Variants in MYO5C observed in about 807,000 individuals in gnomAD.
The protein encoded by MYO5C is myosin VC.
In MYO5C, 194 loss-of-function variants were observed where a neutral mutation model predicts 235.7. The ratio of observed to expected loss-of-function variants is 0.82; its 90% CI spans 0.73 to 0.93. The LOEUF (loss-of-function observed/expected upper bound fraction) is 0.93. MYO5C is among the 40% of genes least tolerant of loss of function. MYO5C has a pLI of 0.00. For synonymous variants in MYO5C, 707 were observed against 754.8 expected (o/e 0.94, Z 1.04); for missense variants, 2,038 against 2,127.2 (o/e 0.96, Z 0.82).
chr15:52,209,659 A>G (rs11070885), intron 35 of MYO5C, among the ~76,000 whole-genome samples: 112,171 of 152,112 alleles, frequency 0.74, 44,499 homozygotes, highest in Non-Finnish European at 0.9. Flanking sequence ...ATCAAGGGGA[A>G]GCAAATACTG....
rs1486669642 is a variant in MYO5C, at chr15:52,278,726, T to C, written c.449+147A>G. 4.4e-6 allele frequency: 4 copies of C among 907,870 alleles called. No individual in the cohort carries two copies. The East Asian group carries it at 1.0e-4, about 23-fold the overall frequency. The allele number at this position is 907,870 out of a possible 1,614,324, so 56.2% of individuals were successfully genotyped here. On this transcript the variant is annotated intron_variant, in intron 4 of 40. Coordinates refer to ENST00000261839, the MANE Select transcript of MYO5C (RefSeq NM_018728.4). ...ACATGGAACAGTCGTTTGCTATTCA[T>C]TCCAGGTAGTCGGCTCAACAAAGCA...
At position 52,264,379 on chromosome 15, in the gene MYO5C, T is replaced by G. The variant is rs1596208853; in HGVS notation, c.941-83A>C. On this transcript the variant is annotated intron_variant, in intron 8 of 40. Transcript: ENST00000261839. ...TGGGCACCTGGATTCATTCAAGATA[T>G]GCAGGTAGCATCAGTGCCAAGCTCT... is the stretch of plus-strand genomic sequence containing the variant. 9 of 1,092,990 alleles carry G rather than the reference T, an allele frequency of 8.2e-6. No individual in the cohort carries two copies. The East Asian group carries it at 2.2e-4, about 27-fold the overall frequency. The allele number at this position is 1,092,990 out of a possible 1,614,324, so 67.7% of individuals were successfully genotyped here.
intron 38 of MYO5C, among the ~76,000 whole-genome samples, chr15:52,199,368 C>T (rs1272387116): frequency 6.6e-6 from 1 of 152,186 alleles, no homozygotes; most frequent in Non-Finnish European, 1.5e-5. Context: ...AGTAACCACA[C>T]TCCATCTTGT....
intron 38 of MYO5C, among the ~76,000 whole-genome samples, chr15:52,204,318 G>A (rs929920149): frequency 1.3e-5 from 2 of 151,508 alleles, no homozygotes; most frequent in Admixed American, 1.3e-4. Context: ...GCCTCTGACC[G>A]TTTCTCCTGC....
intron 25 of MYO5C, among the ~76,000 whole-genome samples, chr15:52,228,733 T>A (rs1426238214): frequency 6.6e-6 from 1 of 152,226 alleles, no homozygotes; most frequent in Non-Finnish European, 1.5e-5. Context: ...GATAATTGTT[T>A]TAGTAAATTT....
chr15:52,202,440 T>TG (rs1341901805), intron 38 of MYO5C, among the ~76,000 whole-genome samples: 1 of 152,104 alleles, frequency 6.6e-6, no homozygotes. Context: ...ACTGGGTACC[T>TG]GGGGGGCAGG....
At chr15:52,293,252 G>C (rs1166482204) in intron 1 of MYO5C, among the ~76,000 whole-genome samples, 1 of 152,030 alleles carries the variant, frequency 6.6e-6, no homozygotes, top group African/African-American at 2.4e-5. Flanking sequence ...CTCCTCCTCT[G>C]GATGGCTCCA....
At chr15:52,278,068 G>GTGCT in intron 4 of MYO5C, 1 of 422,820 alleles carries the variant, frequency 2.4e-6, no homozygotes. Flanking sequence ...CTTCACAGGA[G>GTGCT]TGCTGTAAGA....
chr15:52,239,928 C>G (rs770980075), intron 20 of MYO5C, 49 bp from the exon 21 acceptor site: 6 of 1,563,722 alleles, frequency 3.8e-6, no homozygotes, highest in East Asian at 4.5e-5. Flanking sequence ...AAGTGCTTCT[C>G]TAACCAACTC....
intron 13 of MYO5C, 107 bp downstream of exon 13, chr15:52,251,283 G>A: frequency 9.0e-7 from 1 of 1,116,750 alleles, no homozygotes. Context: ...AAAGCTACAT[G>A]TTAAGTATGA....
At chr15:52,282,230 T>C (rs2037174656) in intron 2 of MYO5C, among the ~76,000 whole-genome samples, 1 of 152,144 alleles carries the variant, frequency 6.6e-6, no homozygotes, top group Admixed American at 6.5e-5. Flanking sequence ...CATGTCTTCT[T>C]GTCCCTGCCA....
intron 1 of MYO5C, among the ~76,000 whole-genome samples, chr15:52,291,717 T>A (rs1227436112): frequency 7.0e-6 from 1 of 142,596 alleles, no homozygotes; most frequent in Non-Finnish European, 1.5e-5. Flanking sequence ...TTTTTCTTTG[T>A]TTGCATATTT....
chr15:52,264,163 G>GA, intron 9 of MYO5C, 27 bp downstream of exon 9: 1 of 1,558,848 alleles, frequency 6.4e-7, no homozygotes, highest in Non-Finnish European at 8.8e-7. Flanking sequence ...TTAGACAAAG[G>GA]AAAAGTAAAA....
At chr15:52,242,503 T>G in intron 19 of MYO5C, 3 of 315,818 alleles carry the variant, frequency 9.5e-6, no homozygotes, top group Non-Finnish European at 1.8e-5. Context: ...GGTGCTGCAC[T>G]TGCTCAATCA....
At chr15:52,228,818 G>A (rs976842287) in intron 25 of MYO5C, among the ~76,000 whole-genome samples, 9 of 152,218 alleles carry the variant, frequency 5.9e-5, no homozygotes, top group African/African-American at 1.7e-4. Context: ...TAGATTTATA[G>A]TGATGGATTA....
Position 52,196,408 on chromosome 15 carries a change from C to A in MYO5C, c.4896G>T (p.Glu1632Asp), listed in dbSNP as rs1284187146. 2.5e-6 allele frequency: 4 copies of A among 1,614,064 alleles called. No homozygotes were observed. The highest frequency in any genetic ancestry group is 3.4e-6 in the Non-Finnish European group (4 of 1,180,038). ...LQNSLAKETL[E>D]PLSQAAWLLQ... The stretch of plus-strand genomic sequence containing the variant: ...GCAACCAGGCTGCCTGAGAGAGGGG[C>A]TCCAAAGTTTCCTTTGCTAAGCTGT... The change falls in exon 39 of 41, where the codon GAG (glutamate) becomes GAT (aspartate). Residue 1632 changes from glutamate (E) to aspartate (D), a missense_variant. Physicochemically the swap from Glu to Asp is conservative, Grantham distance 45 (BLOSUM62 2). Coordinates refer to ENST00000261839, the MANE Select transcript of MYO5C (RefSeq NM_018728.4).
intron 11 of MYO5C, among the ~76,000 whole-genome samples, chr15:52,254,124 A>T (rs978955467): frequency 6.6e-6 from 1 of 152,204 alleles, no homozygotes; most frequent in Non-Finnish European, 1.5e-5. Context: ...GGACAGCAGC[A>T]ATGTGGTGGC....
chr15:52,236,937 A>C (rs1445061227), intron 22 of MYO5C: 2 of 152,370 alleles, frequency 1.3e-5, no homozygotes, highest in East Asian at 3.9e-4. Flanking sequence ...CAATTCTGTC[A>C]GTCCTTTTTT....
chr15:52,208,701 T>C, intron 35 of MYO5C, 58 bp from the exon 36 acceptor site: 2 of 1,461,390 alleles, frequency 1.4e-6, no homozygotes, highest in South Asian at 1.2e-5. Context: ...CCTCTGAGCA[T>C]TTACCTGTTT....
Sources: gnomAD v4.1 joint callset for allele counts (sites outside exome capture counted in the v4.1 genomes callset) on GRCh38, gnomAD v4.1.1 for gene constraint, MANE v1.5 for transcripts, NCBI Gene and HGNC (gene_info 2026-07-23, HGNC 2026-07-21) for gene names.